The following SGCZ variants were observed in gnomAD, a reference collection of about 807,000 sequenced individuals.
SGCZ encodes the protein zeta-sarcoglycan.
In SGCZ, 40 loss-of-function variants were observed where a neutral mutation model predicts 41.3. The ratio of observed to expected loss-of-function variants is 0.97; its 90% CI spans 0.75 to 1.26. The LOEUF (loss-of-function observed/expected upper bound fraction) is 1.26, where lower values mean the gene tolerates loss of function less well. SGCZ is among the 50% of genes most tolerant of loss of function. The pLI is 0.00. For synonymous variants in SGCZ, 206 were observed against 137.5 expected (o/e 1.50, Z -3.49); for missense variants, 552 against 369.8 (o/e 1.49, Z -4.04).
chr8:15,112,611 C>T (rs1345711833), intron 1 of SGCZ, among the ~76,000 whole-genome samples: 2 of 152,350 alleles, frequency 1.3e-5, no homozygotes, highest in African/African-American at 4.8e-5. Flanking sequence ...GGCAGTTTCA[C>T]TTCTCATCAC....
chr8:14,243,850 G>A (rs547757435), intron 3 of SGCZ, among the ~76,000 whole-genome samples: 19 of 152,102 alleles, frequency 1.2e-4, no homozygotes, highest in Admixed American at 7.2e-4. Context: ...ATCGATCACA[G>A]TACTCGTTGT....
chr8:14,961,330 T>C (rs1220163575), intron 1 of SGCZ, among the ~76,000 whole-genome samples: 3 of 152,178 alleles, frequency 2.0e-5, no homozygotes, highest in Non-Finnish European at 4.4e-5. Flanking sequence ...GGAAACATCT[T>C]GGAAAATACG....
At chr8:14,488,072 C>T (rs1437068302) in intron 2 of SGCZ, among the ~76,000 whole-genome samples, 4 of 152,266 alleles carry the variant, frequency 2.6e-5, no homozygotes, top group African/African-American at 9.6e-5. Context: ...ATGTGCAGCT[C>T]AGACTTTTGG....
At chr8:14,799,590 C>T (rs60624996) in intron 1 of SGCZ, among the ~76,000 whole-genome samples, 16,758 of 152,144 alleles carry the variant, frequency 0.11, 1,353 homozygotes, top group East Asian at 0.23. Flanking sequence ...GACCTCTGTA[C>T]TCAAGTTCCC....
At chr8:14,726,852 G>T (rs1419188669) in intron 1 of SGCZ, among the ~76,000 whole-genome samples, 2 of 151,898 alleles carry the variant, frequency 1.3e-5, no homozygotes, top group East Asian at 1.9e-4. Context: ...CTGATGAAAA[G>T]AGGAAAAACT....
At chr8:15,037,912 G>C (rs1382205418) in intron 1 of SGCZ, among the ~76,000 whole-genome samples, 1 of 152,038 alleles carries the variant, frequency 6.6e-6, no homozygotes, top group Non-Finnish European at 1.5e-5. Flanking sequence ...TTACCAATAA[G>C]AGAGAAGTGT....
chr8:15,201,369 G>A (rs972483634), intron 1 of SGCZ, among the ~76,000 whole-genome samples: 2 of 152,158 alleles, frequency 1.3e-5, no homozygotes, highest in African/African-American at 4.8e-5. Flanking sequence ...ACCTGCCGAT[G>A]ACTCATAGTT....
chr8:14,732,067 A>G (rs1206133844), intron 1 of SGCZ, among the ~76,000 whole-genome samples: 1 of 152,260 alleles, frequency 6.6e-6, no homozygotes, highest in African/African-American at 2.4e-5. Flanking sequence ...CTCTTTAGAA[A>G]TAATATTGCT....
chr8:14,823,055 T>TTAAAAAAAAAAA lies in SGCZ; in HGVS notation c.40-268130_40-268129insTTTTTTTTTTTA, dbSNP rs1491314386. ...GGCAATGAAGCCACACCAATCCTCA[T>TTAAAAAAAAAAA]AAAAAAAAAAAAAAAAAAAAAAGAC... On this transcript the variant is annotated intron_variant, in intron 1 of 7. Transcript: ENST00000382080. Among the ~76,000 whole-genome samples the TTAAAAAAAAAAA allele has an allele frequency of 3.6e-4, 27 of 75,480 alleles. 1 individual carries two copies. Among genetic ancestry groups the TTAAAAAAAAAAA allele is most frequent in the African/African-American group, 1.2e-3 (26 of 21,934 alleles). The allele number at this position is 75,480 out of a possible 152,430, so 49.5% of individuals were successfully genotyped here. A position where few individuals can be genotyped will look rare whatever the true frequency, so the allele number is the denominator to read the frequency against.
intron 4 of SGCZ, among the ~76,000 whole-genome samples, chr8:14,221,343 C>T (rs1288646028): frequency 2.0e-5 from 3 of 152,174 alleles, no homozygotes; most frequent in African/African-American, 7.2e-5. Context: ...TGTAAATTTA[C>T]ACACATGGTT....
At chr8:14,451,696 A>T (rs1415069264) in intron 2 of SGCZ, among the ~76,000 whole-genome samples, 5 of 152,228 alleles carry the variant, frequency 3.3e-5, no homozygotes, top group African/African-American at 1.2e-4. Context: ...CTTAATACAC[A>T]TTGCACACTG....
chr8:15,010,608 G>C (rs1045345008), intron 1 of SGCZ, among the ~76,000 whole-genome samples: 1 of 152,136 alleles, frequency 6.6e-6, no homozygotes, highest in East Asian at 1.9e-4. Context: ...AACCACATGA[G>C]GGTTGACTGG....
chr8:14,359,599 T>C (rs1053847006), intron 2 of SGCZ, among the ~76,000 whole-genome samples: 9 of 151,798 alleles, frequency 5.9e-5, no homozygotes, highest in Non-Finnish European at 1.2e-4. Context: ...TACAAACATA[T>C]AGGAATTAAA....
intron 1 of SGCZ, among the ~76,000 whole-genome samples, chr8:14,828,374 A>G (rs1262363633): frequency 1.3e-5 from 2 of 152,208 alleles, no homozygotes; most frequent in East Asian, 1.9e-4. Flanking sequence ...AAGCTACAAC[A>G]CTGACATTTC....
chr8:14,313,013 G>C (rs183864262), intron 3 of SGCZ, among the ~76,000 whole-genome samples: 39 of 152,266 alleles, frequency 2.6e-4, no homozygotes, highest in African/African-American at 9.1e-4. Context: ...AAGGACATAA[G>C]GATCAAAGCT....
At chr8:14,253,580 ATCTG>A (rs1799360217) in intron 3 of SGCZ, among the ~76,000 whole-genome samples, 1 of 152,088 alleles carries the variant, frequency 6.6e-6, no homozygotes, top group Admixed American at 6.6e-5. Context: ...GTATCCATAT[ATCTG>A]TCTATGTAAA....
intron 1 of SGCZ, among the ~76,000 whole-genome samples, chr8:14,876,868 G>A (rs115400990): frequency 0.023 from 3,429 of 152,242 alleles, 43 homozygotes; most frequent in Middle Eastern, 0.044. Flanking sequence ...TCTGTTTAGA[G>A]GTCCCCCCGC....
chr8:14,325,587 T>C lies in SGCZ; in HGVS notation c.235-1383A>G, dbSNP rs1056360764. Among the ~76,000 whole-genome samples, 22 of 147,520 alleles carry C rather than the reference T, an allele frequency of 1.5e-4. 1 individual carries two copies. Among genetic ancestry groups the C allele is most frequent in the Middle Eastern group, 3.6e-3 (1 of 278 alleles). On this transcript the variant is annotated intron_variant, in intron 2 of 7. Transcript: ENST00000382080. ...ATAATCATATATAATAGATCATATA[T>C]AATCACATATAGTTGATTATATATA...
chr8:14,894,591 GAC>G (rs1255581790), intron 1 of SGCZ, among the ~76,000 whole-genome samples: 2 of 152,096 alleles, frequency 1.3e-5, no homozygotes, highest in Non-Finnish European at 2.9e-5. Flanking sequence ...TCACACTGAA[GAC>G]ACAGTTTTTC....
Sources: allele counts gnomAD v4.1 joint callset (sites outside exome capture counted in the v4.1 genomes callset), GRCh38; gene constraint gnomAD v4.1.1; transcripts MANE v1.5; gene names NCBI Gene and HGNC (gene_info 2026-07-23, HGNC 2026-07-21).